PLXNA4: variants seen among roughly 807,000 people sequenced by gnomAD.
PLXNA4 encodes the protein plexin A4.
A neutral mutation model predicts 191.8 loss-of-function variants in PLXNA4; 44 were observed. That is an observed-to-expected ratio of 0.23 (90% CI 0.18 to 0.29). PLXNA4 has a LOEUF of 0.29. PLXNA4 is among the 10% of genes least tolerant of loss of function. The probability of loss-of-function intolerance (pLI) is 1.00; values close to 1 mark genes in which losing one functional copy is unlikely to be tolerated. For synonymous variants in PLXNA4, 1,082 were observed against 1,009.5 expected (o/e 1.07, Z -1.36); for missense variants, 1,800 against 2,488.8 (o/e 0.72, Z 5.89).
At chr7:132,464,503 C>G (rs4731868) in intron 3 of PLXNA4, among the ~76,000 whole-genome samples, 20,848 of 152,188 alleles carry the variant, frequency 0.14, 1,930 homozygotes, top group East Asian at 0.29. Flanking sequence ...AAGTAAGACT[C>G]TCAGCACCTG....
intron 24 of PLXNA4, among the ~76,000 whole-genome samples, chr7:132,160,303 G>A (rs1257416446): frequency 3.3e-5 from 5 of 152,336 alleles, no homozygotes; most frequent in African/African-American, 9.6e-5. Context: ...TTCTTTCGTG[G>A]CCCTGAATAG....
intron 3 of PLXNA4, among the ~76,000 whole-genome samples, chr7:132,417,088 TA>T: frequency 6.6e-6 from 1 of 152,290 alleles, no homozygotes; most frequent in South Asian, 2.1e-4. Context: ...CACACTCTCT[TA>T]AGCTAAGTGT....
intron 2 of PLXNA4, among the ~76,000 whole-genome samples, chr7:132,491,503 G>T (rs1041494747): frequency 7.2e-5 from 11 of 152,196 alleles, no homozygotes; most frequent in South Asian, 2.1e-4. Flanking sequence ...AAAACGGGGA[G>T]AGCGTGGGCA....
intron 1 of PLXNA4, among the ~76,000 whole-genome samples, chr7:132,568,177 A>G (rs1042250442): frequency 6.6e-6 from 1 of 152,222 alleles, no homozygotes; most frequent in African/African-American, 2.4e-5. Flanking sequence ...ATTATATTTC[A>G]GTGCTTTCAT....
chr7:132,376,653 C>A (rs1013054753), intron 3 of PLXNA4, among the ~76,000 whole-genome samples: 3 of 152,198 alleles, frequency 2.0e-5, no homozygotes, highest in African/African-American at 7.2e-5. Flanking sequence ...GGAGAGAAGG[C>A]CTTCCCAGGC....
intron 3 of PLXNA4, among the ~76,000 whole-genome samples, chr7:132,322,124 C>T (rs1439364197): frequency 6.6e-6 from 1 of 150,994 alleles, no homozygotes; most frequent in African/African-American, 2.4e-5. Flanking sequence ...CTGAGACACA[C>T]TTTCCATTGG....
intron 2 of PLXNA4, among the ~76,000 whole-genome samples, chr7:132,630,504 G>GT (rs960317329): frequency 4.0e-5 from 6 of 149,400 alleles, no homozygotes; most frequent in South Asian, 2.1e-4. Flanking sequence ...TCCACTTTGG[G>GT]TTTTTTTGTT....
At chr7:132,640,553 G>A (rs529833845) in intron 2 of PLXNA4, among the ~76,000 whole-genome samples, 2 of 152,282 alleles carry the variant, frequency 1.3e-5, no homozygotes, top group East Asian at 3.9e-4. Flanking sequence ...ACAGAGAAAA[G>A]GCAGCCATCT....
intron 4 of PLXNA4, among the ~76,000 whole-genome samples, chr7:132,266,517 TC>T: frequency 6.6e-6 from 1 of 152,360 alleles, no homozygotes; most frequent in East Asian, 1.9e-4. Context: ...ACTATGGCAG[TC>T]TTAAGATTCT....
chr7:132,370,968 G>C (rs906419977), intron 3 of PLXNA4, among the ~76,000 whole-genome samples: 1 of 152,336 alleles, frequency 6.6e-6, no homozygotes, highest in Middle Eastern at 3.4e-3. Flanking sequence ...ACCTGAATTA[G>C]TGTTGGCCAC....
At chr7:132,208,856 C>A (rs553150681) in intron 10 of PLXNA4, among the ~76,000 whole-genome samples, 2 of 152,302 alleles carry the variant, frequency 1.3e-5, no homozygotes, top group South Asian at 4.1e-4. Flanking sequence ...CAGCACCCAC[C>A]TGCCTGGTGC....
In PLXNA4 at chr7:132,283,060, A is replaced by C. The variant is rs546032381; in HGVS notation, c.1503+15031T>G. 2.1e-4 allele frequency among the ~76,000 whole-genome samples: 32 copies of C among 152,194 alleles called. No individual in the cohort carries two copies. In the South Asian group the frequency reaches 6.0e-3, roughly 29 times the overall value. On this transcript the variant is annotated intron_variant, in intron 4 of 31. Transcript: ENST00000321063. The stretch of plus-strand genomic sequence containing the variant: ...ATACCCAGCTAATTTTTGTAGAGAC[A>C]GGATTTCACCACGTTGCCCAGGCTG...
At chr7:132,279,649 A>G (rs996913698) in intron 4 of PLXNA4, among the ~76,000 whole-genome samples, 18 of 152,182 alleles carry the variant, frequency 1.2e-4, no homozygotes, top group Admixed American at 1.0e-3. Flanking sequence ...AAGAAAAAAA[A>G]GAGAGAAAAT....
rs369023079 is a variant in PLXNA4 at position 132,551,645 on chromosome 7, T to C, written c.-87+24777A>G. On this transcript the variant is annotated intron_variant, in intron 1 of 31. Coordinates refer to ENST00000321063, the MANE Select transcript of PLXNA4 (RefSeq NM_020911.2). ...TGTACTCTCTCAATTGCCCTCTAGT[T>C]TCCCCACCCCAATATTGCAGTGTCT... Among the ~76,000 whole-genome samples, 50 of 152,240 alleles carry C rather than the reference T, an allele frequency of 3.3e-4. No individual in the cohort carries two copies. In the East Asian group the frequency reaches 7.7e-3, roughly 24 times the overall value.
chr7:132,269,957 G>C (rs1452935670), intron 4 of PLXNA4, among the ~76,000 whole-genome samples: 1 of 152,112 alleles, frequency 6.6e-6, no homozygotes, highest in Non-Finnish European at 1.5e-5. Context: ...AAATCACAAA[G>C]AAACGTGCTT....
chr7:132,236,494 CA>C (rs1798705767), intron 5 of PLXNA4, among the ~76,000 whole-genome samples: 1 of 152,158 alleles, frequency 6.6e-6, no homozygotes. Flanking sequence ...GGCCACTTAG[CA>C]AGCAACCGAG....
intron 4 of PLXNA4, among the ~76,000 whole-genome samples, chr7:132,257,135 GA>G (rs1260430909): frequency 1.3e-5 from 2 of 152,222 alleles, no homozygotes; most frequent in African/African-American, 4.8e-5. Context: ...GCTGCTCTAT[GA>G]CATGGCGCAG....
At chr7:132,466,128 G>T (rs765374114) in intron 3 of PLXNA4, among the ~76,000 whole-genome samples, 17 of 152,178 alleles carry the variant, frequency 1.1e-4, no homozygotes, top group Non-Finnish European at 1.9e-4. Context: ...GCAGAAAGGG[G>T]TCATCTATCA....
intron 9 of PLXNA4, among the ~76,000 whole-genome samples, chr7:132,216,733 C>A (rs1211843429): frequency 6.6e-6 from 1 of 152,174 alleles, no homozygotes; most frequent in Non-Finnish European, 1.5e-5. Flanking sequence ...ACACTAAGGA[C>A]ACCGTTTACG....
Sources: gnomAD v4.1 joint callset for allele counts (sites outside exome capture counted in the v4.1 genomes callset) on GRCh38, gnomAD v4.1.1 for gene constraint, MANE v1.5 for transcripts, NCBI Gene and HGNC (gene_info 2026-07-23, HGNC 2026-07-21) for gene names.